Variants in CCNY observed in about 807,000 individuals in gnomAD.
The protein encoded by CCNY is cyclin-Y.
A neutral mutation model predicts 42.8 loss-of-function variants in CCNY; 19 were observed. The observed-to-expected ratio is 0.44, with a 90% CI of 0.31 to 0.65. The LOEUF is 0.65. Among genes scored for constraint, CCNY ranks in the 30% least tolerant of loss-of-function variants. The probability of loss-of-function intolerance (pLI) is 0.07; values close to 1 mark genes in which losing one functional copy is unlikely to be tolerated. For synonymous variants in CCNY, 165 were observed against 162.7 expected (o/e 1.01, Z -0.11); for missense variants, 370 against 437.3 (o/e 0.85, Z 1.37).
intron 3 of CCNY, among the ~76,000 whole-genome samples, chr10:35,302,680 G>C (rs888182374): frequency 3.1e-4 from 47 of 152,222 alleles, no homozygotes; most frequent in Admixed American, 2.8e-3. Flanking sequence ...AGGCACCCAA[G>C]GGCATCTCAG....
At chr10:35,438,531 A>G (rs1838593947) in intron 1 of CCNY, among the ~76,000 whole-genome samples, 2 of 152,044 alleles carry the variant, frequency 1.3e-5, no homozygotes, top group African/African-American at 4.8e-5. Context: ...CCCTCTATTA[A>G]TGGACATTTA....
chr10:35,284,895 G>GT (rs1378609277), intron 3 of CCNY, among the ~76,000 whole-genome samples: 2 of 152,034 alleles, frequency 1.3e-5, no homozygotes, highest in African/African-American at 4.8e-5. Flanking sequence ...GAAGTGTGTT[G>GT]TTTAATTTCT....
At chr10:35,359,747 C>T (rs939927963) in intron 1 of CCNY, among the ~76,000 whole-genome samples, 5 of 152,132 alleles carry the variant, frequency 3.3e-5, no homozygotes, top group African/African-American at 9.7e-5. Context: ...ACTGAGACTC[C>T]GTGCTAAGTT....
intron 3 of CCNY, among the ~76,000 whole-genome samples, chr10:35,300,114 G>C (rs558780984): frequency 6.6e-6 from 1 of 152,286 alleles, no homozygotes; most frequent in East Asian, 1.9e-4. Context: ...CCTAGTAGAT[G>C]CTCTTTGCTT....
chr10:35,268,888 G>A (rs1565058506), intron 3 of CCNY, among the ~76,000 whole-genome samples: 2 of 152,328 alleles, frequency 1.3e-5, no homozygotes, highest in East Asian at 3.9e-4. Context: ...GGGCTCCTGG[G>A]GCCCCTCCTT....
At position 35,416,285 on chromosome 10, in the gene CCNY, C is replaced by A. The variant is rs115333485; in HGVS notation, c.155-67119C>A. ...GATTTCTGTAGATGTGCTGTTTAGC[C>A]AGGTATGCAGCACTCTTTATTTAAA... On this transcript the variant is annotated intron_variant, in intron 1 of 9. Coordinates refer to ENST00000374704, the MANE Select transcript of CCNY (RefSeq NM_145012.6). Among the ~76,000 whole-genome samples the A allele has an allele frequency of 1.0e-3, 154 of 151,914 alleles. 1 individual carries two copies. The highest frequency in any genetic ancestry group is 3.5e-3 in the African/African-American group (146 of 41,412).
intron 4 of CCNY, among the ~76,000 whole-genome samples, chr10:35,520,788 C>T (rs1265704021): frequency 6.6e-6 from 1 of 152,090 alleles, no homozygotes; most frequent in Non-Finnish European, 1.5e-5. Context: ...CTATTTTTCC[C>T]CTAAATGCCA....
rs528158487 is a variant in CCNY, at chr10:35,569,660, G to T, written c.*490G>T. On this transcript the variant is annotated 3_prime_UTR_variant, in exon 10 of 10. Coordinates refer to ENST00000374704, the MANE Select transcript of CCNY (RefSeq NM_145012.6). ...TTGTTTTTGCCCTGTTTTGATTTTG[G>T]TCCCACAGAGCAGGGGATGTAGTTT... is the stretch of plus-strand genomic sequence containing the variant. 4.6e-5 allele frequency: 8 copies of T among 174,950 alleles called. No homozygotes were observed. The East Asian group carries it at 1.2e-3, about 26-fold the overall frequency. The allele number at this position is 174,950 out of a possible 1,614,324, so 10.8% of individuals were successfully genotyped here.
At chr10:35,462,828 C>T (rs1158258545) in intron 1 of CCNY, among the ~76,000 whole-genome samples, 1 of 152,222 alleles carries the variant, frequency 6.6e-6, no homozygotes, top group Non-Finnish European at 1.5e-5. Flanking sequence ...GGGCTCTTTC[C>T]ATTGAGCGCC....
intron 3 of CCNY, among the ~76,000 whole-genome samples, chr10:35,252,520 C>G (rs926727066): frequency 7.0e-6 from 1 of 142,440 alleles, no homozygotes; most frequent in African/African-American, 2.7e-5. Flanking sequence ...GAGCTGAGAT[C>G]GCGCCACTGC....
chr10:35,454,578 A>C (rs912689941), intron 1 of CCNY, among the ~76,000 whole-genome samples: 1 of 152,234 alleles, frequency 6.6e-6, no homozygotes, highest in East Asian at 1.9e-4. Flanking sequence ...AGGATCAGTT[A>C]AAAGTGTCAG....
chr10:35,350,081 T>G (rs1836394963), intron 1 of CCNY, among the ~76,000 whole-genome samples: 1 of 152,146 alleles, frequency 6.6e-6, no homozygotes, highest in Non-Finnish European at 1.5e-5. Flanking sequence ...CGTTGTTCCT[T>G]TTGACTCCTT....
chr10:35,438,262 C>A (rs1191378229), intron 1 of CCNY, among the ~76,000 whole-genome samples: 1 of 151,806 alleles, frequency 6.6e-6, no homozygotes, highest in African/African-American at 2.4e-5. Flanking sequence ...TGTCCTCCCA[C>A]CTCAGCCTTC....
At chr10:35,338,068 C>T (rs1377345323) in intron 1 of CCNY, among the ~76,000 whole-genome samples, 1 of 152,160 alleles carries the variant, frequency 6.6e-6, no homozygotes, top group Non-Finnish European at 1.5e-5. Flanking sequence ...ATAGAATTTT[C>T]AACTGAAAAG....
At chr10:35,543,383 T>C (rs912718480) in intron 7 of CCNY, among the ~76,000 whole-genome samples, 2 of 152,200 alleles carry the variant, frequency 1.3e-5, no homozygotes, top group Non-Finnish European at 2.9e-5. Context: ...CCCCCAGCAA[T>C]GAGCTGTAAC....
intron 1 of CCNY, among the ~76,000 whole-genome samples, chr10:35,449,236 C>G (rs1396961764): frequency 1.7e-5 from 2 of 120,938 alleles, no homozygotes; most frequent in Non-Finnish European, 3.3e-5. Context: ...GACAAGGAAG[C>G]AGCAGAGGTG....
At chr10:35,329,167 T>C (rs981975530) in intron 3 of CCNY, among the ~76,000 whole-genome samples, 3 of 152,224 alleles carry the variant, frequency 2.0e-5, no homozygotes, top group South Asian at 4.1e-4. Flanking sequence ...TTTAAAAATG[T>C]TCCTTTTTGG....
chr10:35,417,813 G>A (rs531984102), intron 1 of CCNY, among the ~76,000 whole-genome samples: 76 of 152,314 alleles, frequency 5.0e-4, no homozygotes, highest in African/African-American at 1.8e-3. Context: ...ATTTTTAGGG[G>A]TCTCTAATCC....
At chr10:35,516,388 T>C in intron 3 of CCNY, 135 bp from the exon 4 acceptor site, 1 of 681,220 alleles carries the variant, frequency 1.5e-6, no homozygotes, top group Admixed American at 2.6e-5. Context: ...GTACTGTTCT[T>C]GGTGGTAATG....
Sources: gnomAD v4.1 joint callset for allele counts (sites outside exome capture counted in the v4.1 genomes callset) on GRCh38, gnomAD v4.1.1 for gene constraint, MANE v1.5 for transcripts, NCBI Gene and HGNC (gene_info 2026-07-23, HGNC 2026-07-21) for gene names.